Variants in TNR observed in about 807,000 individuals in gnomAD.
TNR encodes the protein tenascin-R.
TNR carries 45 observed loss-of-function variants against 150.4 expected under a neutral mutation model. That is an observed-to-expected ratio of 0.30 (90% CI 0.24 to 0.38). The LOEUF is 0.38. TNR is among the 10% of genes least tolerant of loss of function. TNR has a pLI of 1.00. For synonymous variants in TNR, 687 were observed against 678.4 expected, an observed-to-expected ratio of 1.01 and a Z score of -0.20; for missense variants, 1,544 against 1,759.1, an observed-to-expected ratio of 0.88 and a Z score of 2.19.
At chr1:175,488,348 G>A (rs1196607652) in intron 2 of TNR, among the ~76,000 whole-genome samples, 1 of 152,184 alleles carries the variant, frequency 6.6e-6, no homozygotes, top group Non-Finnish European at 1.5e-5. Context: ...TAGGTGGGAA[G>A]GGAAGAATGG....
intron 1 of TNR, among the ~76,000 whole-genome samples, chr1:175,734,826 G>A (rs1667728818): frequency 6.6e-6 from 1 of 152,192 alleles, no homozygotes; most frequent in South Asian, 2.1e-4. Context: ...CCCCATGGCT[G>A]GCTCCAGAGC....
chr1:175,331,174 C>T (rs1378014153), intron 20 of TNR, among the ~76,000 whole-genome samples: 45 of 46,700 alleles, frequency 9.6e-4, no homozygotes, highest in African/African-American at 2.5e-3. Context: ...TCCTTCCTTC[C>T]TTCCTTCCTT....
chr1:175,438,634 G>A (rs1053920730), intron 2 of TNR, among the ~76,000 whole-genome samples: 3 of 152,282 alleles, frequency 2.0e-5, no homozygotes, highest in African/African-American at 4.8e-5. Flanking sequence ...AAACCACATT[G>A]TCTCAGCCCA....
At chr1:175,516,992 A>G (rs1475173677) in intron 2 of TNR, among the ~76,000 whole-genome samples, 1 of 148,614 alleles carries the variant, frequency 6.7e-6, no homozygotes, top group Non-Finnish European at 1.5e-5. Flanking sequence ...TCTGAAGCAC[A>G]AATTAGTACA....
At chr1:175,325,726 G>C (rs1649343303) in intron 21 of TNR, among the ~76,000 whole-genome samples, 1 of 152,190 alleles carries the variant, frequency 6.6e-6, no homozygotes, top group Admixed American at 6.5e-5. Context: ...CAGGGACATG[G>C]ATGAAGCTGG....
intron 1 of TNR, among the ~76,000 whole-genome samples, chr1:175,590,871 G>A (rs1031624478): frequency 6.6e-6 from 1 of 152,202 alleles, no homozygotes; most frequent in African/African-American, 2.4e-5. Context: ...TGTTCTGAGC[G>A]TCCCCACAAA....
chr1:175,358,100 G>C (rs553356962), intron 15 of TNR, among the ~76,000 whole-genome samples: 1 of 152,288 alleles, frequency 6.6e-6, no homozygotes, highest in South Asian at 2.1e-4. Flanking sequence ...AATGCATGGA[G>C]GCTTGAGAAA....
At chr1:175,540,759 C>T (rs768459012) in intron 1 of TNR, among the ~76,000 whole-genome samples, 6 of 152,020 alleles carry the variant, frequency 3.9e-5, no homozygotes, top group Non-Finnish European at 5.9e-5. Flanking sequence ...ACTGGTTCAC[C>T]GCCTCTACCT....
At chr1:175,570,344 G>T (rs747647338) in intron 1 of TNR, among the ~76,000 whole-genome samples, 9 of 152,188 alleles carry the variant, frequency 5.9e-5, no homozygotes, top group Non-Finnish European at 1.0e-4. Flanking sequence ...AGGGCAGTTG[G>T]GGTGCGGAGG....
chr1:175,379,497 T>C (rs1250833515), intron 9 of TNR, 55 bp downstream of exon 9: 23 of 1,518,912 alleles, frequency 1.5e-5, no homozygotes, highest in Non-Finnish European at 2.0e-5. Context: ...GGGAGACAGC[T>C]GTGAGGGTAT....
chr1:175,365,920 T>G lies in TNR; in HGVS notation c.2272A>C (p.Arg758=). 3 of 1,613,948 alleles carry G rather than the reference T, an allele frequency of 1.9e-6. No individual in the cohort carries two copies. Among genetic ancestry groups the G allele is most frequent in the Non-Finnish European group, 2.5e-6 (3 of 1,179,988 alleles). ...GACTCCAAGCTCTGCTGCCGACCCC[T>G]CTCAGCAGTGACGGAAATGATGTAC... The part of the protein sequence containing the change: ...AEYIISVTAE[R]GRQQSLESTV... The change falls in exon 11 of 23, where the codon AGG becomes CGG. Residue 758 remains arginine, a synonymous_variant. Coordinates refer to ENST00000367674, the MANE Select transcript of TNR (RefSeq NM_003285.3).
At chr1:175,354,143 C>T (rs1651203742) in intron 18 of TNR, among the ~76,000 whole-genome samples, 1 of 152,210 alleles carries the variant, frequency 6.6e-6, no homozygotes, top group Non-Finnish European at 1.5e-5. Flanking sequence ...CCGCACCCAG[C>T]CAGAACCTGA....
intron 2 of TNR, among the ~76,000 whole-genome samples, chr1:175,462,146 A>T (rs1350895102): frequency 6.6e-6 from 1 of 152,234 alleles, no homozygotes; most frequent in African/African-American, 2.4e-5. Flanking sequence ...ATTATAAAAT[A>T]TGTTCACTTC....
At chr1:175,535,061 A>C (rs1356985387) in intron 1 of TNR, among the ~76,000 whole-genome samples, 1 of 152,154 alleles carries the variant, frequency 6.6e-6, no homozygotes, top group Admixed American at 6.5e-5. Flanking sequence ...CTTTCCTTTT[A>C]AATTACCCAG....
chr1:175,351,546 C>T (rs1328201116), intron 18 of TNR, among the ~76,000 whole-genome samples: 1 of 152,200 alleles, frequency 6.6e-6, no homozygotes. Context: ...CTTCTGTGCT[C>T]TGCAGCTGAG....
rs1648943480 is a variant in TNR, at chr1:175,319,667, A to G, written c.*3690T>C. The stretch of plus-strand genomic sequence containing the variant: ...GTTTGCTTTGCATTTCCTTGCTGCC[A>G]TATGTTGTTGTTGTTCTTTTACAAA... On this transcript the variant is annotated 3_prime_UTR_variant, in exon 23 of 23. Coordinates refer to ENST00000367674, the MANE Select transcript of TNR (RefSeq NM_003285.3). 6.6e-6 allele frequency: 1 copy of G among 152,310 alleles called. No homozygotes were observed. The highest frequency in any genetic ancestry group is 2.4e-5 in the African/African-American group (1 of 41,460). 9.4% of individuals were successfully genotyped at this position (152,310 alleles called of 1,614,324 possible).
At chr1:175,547,683 A>C (rs1319913223) in intron 1 of TNR, among the ~76,000 whole-genome samples, 1 of 152,050 alleles carries the variant, frequency 6.6e-6, no homozygotes, top group African/African-American at 2.4e-5. Context: ...AGAGAGAGAG[A>C]AAGAAAGAAA....
chr1:175,597,532 G>A (rs772181289), intron 1 of TNR, among the ~76,000 whole-genome samples: 1 of 152,298 alleles, frequency 6.6e-6, no homozygotes, highest in East Asian at 1.9e-4. Flanking sequence ...AGCTGCACTT[G>A]GTTGTGCTAA....
intron 2 of TNR, among the ~76,000 whole-genome samples, chr1:175,476,181 TTAAC>T (rs1406760449): frequency 1.3e-5 from 2 of 152,138 alleles, no homozygotes; most frequent in African/African-American, 2.4e-5. Flanking sequence ...CAGTGACCAT[TTAAC>T]TGTCTCCCAG....
Sources: allele counts gnomAD v4.1 joint callset (sites outside exome capture counted in the v4.1 genomes callset), GRCh38; gene constraint gnomAD v4.1.1; transcripts MANE v1.5; gene names NCBI Gene and HGNC (gene_info 2026-07-23, HGNC 2026-07-21).